The following CSMD1 variants were observed in gnomAD, a reference collection of about 807,000 sequenced individuals.
CSMD1 encodes CUB and sushi domain-containing protein 1.
CSMD1 carries 213 observed loss-of-function variants against 417.5 expected under a neutral mutation model. That is an observed-to-expected ratio of 0.51 (90% confidence interval 0.46 to 0.57). The LOEUF (loss-of-function observed/expected upper bound fraction) is 0.57. Among genes scored for constraint, CSMD1 ranks in the 20% least tolerant of loss-of-function variants. CSMD1 has a pLI of 0.00. For synonymous variants in CSMD1, 2,862 were observed against 1,736.8 expected (o/e 1.65, Z -16.11); for missense variants, 6,923 against 4,529.7 (o/e 1.53, Z -15.17).
intron 2 of CSMD1, among the ~76,000 whole-genome samples, chr8:4,467,484 G>A (rs532454812): frequency 1.3e-5 from 2 of 152,180 alleles, no homozygotes; most frequent in African/African-American, 2.4e-5. Flanking sequence ...ACCCATGAGT[G>A]GCCAGAGGAT....
intron 4 of CSMD1, among the ~76,000 whole-genome samples, chr8:4,030,434 G>A (rs868382143): frequency 2.6e-5 from 4 of 152,212 alleles, no homozygotes; most frequent in Non-Finnish European, 4.4e-5. Context: ...AAGGCTTGAG[G>A]CTTACATCCT....
At chr8:4,563,200 G>C (rs950027572) in intron 2 of CSMD1, among the ~76,000 whole-genome samples, 1 of 152,100 alleles carries the variant, frequency 6.6e-6, no homozygotes, top group African/African-American at 2.4e-5. Context: ...AGGAGATTGA[G>C]ACCATCCTGG....
chr8:4,120,500 T>A (rs1802424089), intron 3 of CSMD1, among the ~76,000 whole-genome samples: 2 of 152,158 alleles, frequency 1.3e-5, no homozygotes, highest in African/African-American at 4.8e-5. Context: ...AACCAGGAGA[T>A]CAATTATTTC....
At chr8:4,363,816 C>T (rs1801914619) in intron 3 of CSMD1, among the ~76,000 whole-genome samples, 1 of 152,162 alleles carries the variant, frequency 6.6e-6, no homozygotes, top group Admixed American at 6.5e-5. Flanking sequence ...AAATTCATCA[C>T]ATGTTCTCAC....
intron 5 of CSMD1, among the ~76,000 whole-genome samples, chr8:3,851,844 G>C (rs774748149): frequency 1.3e-5 from 2 of 152,148 alleles, no homozygotes; most frequent in South Asian, 2.1e-4. Context: ...CAGGAGGGTC[G>C]GGTGGGAGCA....
At chr8:4,950,194 A>T (rs1808648768) in intron 1 of CSMD1, among the ~76,000 whole-genome samples, 1 of 152,176 alleles carries the variant, frequency 6.6e-6, no homozygotes, top group Non-Finnish European at 1.5e-5. Context: ...TCTTTGTACC[A>T]ATGTCTTCTG....
intron 3 of CSMD1, among the ~76,000 whole-genome samples, chr8:4,201,515 G>A (rs189406532): frequency 2.8e-4 from 31 of 111,408 alleles, no homozygotes; most frequent in Non-Finnish European, 4.7e-4. Context: ...TCCGGCCTAG[G>A]TAAGAGATCC....
intron 2 of CSMD1, among the ~76,000 whole-genome samples, chr8:4,496,450 T>C (rs964230922): frequency 6.6e-6 from 1 of 152,160 alleles, no homozygotes; most frequent in East Asian, 1.9e-4. Context: ...GGACATTCTA[T>C]GGAAGGCAAG....
At chr8:4,884,903 G>GAT (rs1229705265) in intron 1 of CSMD1, among the ~76,000 whole-genome samples, 1 of 152,030 alleles carries the variant, frequency 6.6e-6, no homozygotes, top group Non-Finnish European at 1.5e-5. Flanking sequence ...TTGCAACATA[G>GAT]ATATAGGTAT....
At chr8:4,413,487 A>T (rs907479322) in intron 3 of CSMD1, among the ~76,000 whole-genome samples, 1 of 152,172 alleles carries the variant, frequency 6.6e-6, no homozygotes, top group Admixed American at 6.6e-5. Flanking sequence ...TTCAGAAGGC[A>T]ATTATATCTC....
At chr8:4,838,421 T>C (rs559864693) in intron 1 of CSMD1, among the ~76,000 whole-genome samples, 9 of 152,326 alleles carry the variant, frequency 5.9e-5, no homozygotes, top group Non-Finnish European at 1.3e-4. Flanking sequence ...TCTATGGTAA[T>C]TAAGCATAGC....
intron 3 of CSMD1, among the ~76,000 whole-genome samples, chr8:4,178,692 A>G: frequency 6.6e-6 from 1 of 152,220 alleles, no homozygotes; most frequent in Non-Finnish European, 1.5e-5. Flanking sequence ...CCACTGTCTC[A>G]GCCCAAAATC....
chr8:3,874,412 T>A (rs978255004), intron 5 of CSMD1, among the ~76,000 whole-genome samples: 1 of 152,100 alleles, frequency 6.6e-6, no homozygotes, highest in East Asian at 1.9e-4. Flanking sequence ...TCATTATAGG[T>A]TTTATCCCTG....
In CSMD1 at chr8:3,347,975, G is replaced by C. The variant is rs1332483506; in HGVS notation, c.3474+17C>G. The C allele has an allele frequency of 1.9e-6, 3 of 1,539,636 alleles. No homozygotes were observed. Among genetic ancestry groups the C allele is most frequent in the Middle Eastern group, 1.7e-4 (1 of 5,850 alleles). On this transcript the variant is annotated intron_variant, in intron 22 of 69. Transcript: ENST00000635120. ...AAGAAAACTTGGAGTCATCATGTTG[G>C]AGAAGATTCTTTTTACCTTTAGAGT... is the stretch of plus-strand genomic sequence containing the variant.
intron 7 of CSMD1, among the ~76,000 whole-genome samples, chr8:3,623,694 G>GGGGCTCAT: frequency 6.6e-6 from 1 of 152,076 alleles, no homozygotes; most frequent in Non-Finnish European, 1.5e-5. Flanking sequence ...CTGACTCCAG[G>GGGGCTCAT]GCCGGGCGTG....
chr8:3,672,116 A>G (rs112643904), intron 7 of CSMD1, among the ~76,000 whole-genome samples: 2 of 152,336 alleles, frequency 1.3e-5, no homozygotes, highest in South Asian at 4.1e-4. Flanking sequence ...GTTCAAGGTT[A>G]GGTGCTGTCT....
intron 20 of CSMD1, among the ~76,000 whole-genome samples, chr8:3,366,726 G>C (rs1207682369): frequency 6.6e-6 from 1 of 152,194 alleles, no homozygotes; most frequent in Non-Finnish European, 1.5e-5. Context: ...ATCTTGTAGA[G>C]TTGGTGAAGA....
intron 5 of CSMD1, among the ~76,000 whole-genome samples, chr8:3,819,909 G>C (rs1010957274): frequency 2.7e-4 from 41 of 152,294 alleles, no homozygotes; most frequent in Non-Finnish European, 1.6e-4. Context: ...AATAGAGGCA[G>C]ACTGGACAAG....
intron 1 of CSMD1, among the ~76,000 whole-genome samples, chr8:4,741,323 T>C (rs1281325365): frequency 6.6e-6 from 1 of 152,188 alleles, no homozygotes; most frequent in African/African-American, 2.4e-5. Context: ...AACAGGGAAT[T>C]TTTCTCTCAG....
Sources: allele counts gnomAD v4.1 joint callset (sites outside exome capture counted in the v4.1 genomes callset), GRCh38; gene constraint gnomAD v4.1.1; transcripts MANE v1.5; gene names NCBI Gene and HGNC (gene_info 2026-07-23, HGNC 2026-07-21).